The following SLC28A1 variants were observed in gnomAD, a reference collection of about 807,000 sequenced individuals.
SLC28A1 encodes solute carrier family 28 member 1, also known as sodium/nucleoside cotransporter 1.
A neutral mutation model predicts 74.8 loss-of-function variants in SLC28A1; 64 were observed. The observed-to-expected ratio is 0.86, with a 90% confidence interval of 0.70 to 1.05. The LOEUF (loss-of-function observed/expected upper bound fraction) is 1.05. Among genes scored for constraint, SLC28A1 ranks in the 50% least tolerant of loss-of-function variants. The pLI, the probability that SLC28A1 is intolerant of heterozygous loss-of-function variation, is 0.00. For missense variants in SLC28A1, 828 were observed against 822.8 expected (o/e 1.01, Z -0.08); for synonymous variants, 359 against 335.0 (o/e 1.07, Z -0.78).
intron 3 of SLC28A1, 92 bp from the exon 4 acceptor site, chr15:84,888,680 C>T (rs376752363): frequency 6.0e-6 from 5 of 834,216 alleles, no homozygotes; most frequent in African/African-American, 3.4e-5. Flanking sequence ...CCCTCCTCAG[C>T]CAGGGTCTCA....
In SLC28A1 at chr15:84,921,035, C is replaced by T. The variant is rs1969770527; in HGVS notation, c.923C>T (p.Thr308Ile). ...ACCATGGGCACCACAGCCACTGAGA[C>T]CCTGAGTGTGGCTGGAAACATCTTT... is the stretch of plus-strand genomic sequence containing the variant. ...QVTMGTTATETLSVAGNIFVS... is the reference protein window; with the variant it reads ...QVTMGTTATEILSVAGNIFVS... Residue 308 changes from threonine (T) to isoleucine (I), a missense_variant, in exon 11 of 19, where the codon ACC (threonine) becomes ATC (isoleucine). Transcript: ENST00000394573. 6.2e-7 allele frequency: 1 copy of T among 1,614,048 alleles called. No homozygotes were observed. Among genetic ancestry groups the T allele is most frequent in the African/African-American group, 1.3e-5 (1 of 75,040 alleles).
At chr15:84,898,332 A>G (rs1334176495) in intron 6 of SLC28A1, among the ~76,000 whole-genome samples, 1 of 152,108 alleles carries the variant, frequency 6.6e-6, no homozygotes, top group East Asian at 1.9e-4. Flanking sequence ...TAATCCCAAC[A>G]CTTTGGGAGG....
chr15:84,952,705 G>A, the SLC28A1 span, among the ~76,000 whole-genome samples: 4 of 152,144 alleles, frequency 2.6e-5, no homozygotes, highest in Non-Finnish European at 4.4e-5. Context: ...GGGCAACATG[G>A]TGAAACCAAG....
chr15:84,958,360 G>A, the SLC28A1 span, among the ~76,000 whole-genome samples: 1 of 152,048 alleles, frequency 6.6e-6, no homozygotes, highest in Non-Finnish European at 1.5e-5. Context: ...TCCTATTTTT[G>A]GAACCCTTGT....
chr15:84,904,285 C>T (rs764345085), intron 7 of SLC28A1, 47 bp downstream of exon 7: 2 of 1,610,872 alleles, frequency 1.2e-6, no homozygotes, highest in South Asian at 1.1e-5. Flanking sequence ...TTGCCTCTCT[C>T]TTCTGCCCCT....
intron 9 of SLC28A1, among the ~76,000 whole-genome samples, chr15:84,911,150 C>T (rs562805250): frequency 3.9e-5 from 6 of 152,088 alleles, no homozygotes; most frequent in East Asian, 3.9e-4. Flanking sequence ...ACCACTGGCC[C>T]GCGTCTCTCC....
chr15:84,963,626 TG>T, the SLC28A1 span, among the ~76,000 whole-genome samples: 3 of 151,554 alleles, frequency 2.0e-5, no homozygotes, highest in African/African-American at 7.3e-5. Flanking sequence ...GGGGTCCAGC[TG>T]CCCCCCCGAG....
At chr15:84,896,247 CTGTA>C (rs1965983730) in intron 6 of SLC28A1, among the ~76,000 whole-genome samples, 1 of 152,188 alleles carries the variant, frequency 6.6e-6, no homozygotes, top group African/African-American at 2.4e-5. Flanking sequence ...CATAAAGAAA[CTGTA>C]TGCAGAATTA....
intron 8 of SLC28A1, 124 bp from the exon 9 acceptor site, chr15:84,908,594 C>CA (rs1555447795): frequency 2.4e-5 from 19 of 779,214 alleles, no homozygotes; most frequent in East Asian, 1.5e-4. Flanking sequence ...GGTGCCCCCC[C>CA]CCGGATAAGG....
At chr15:84,889,483 T>A (rs1036516547) in intron 4 of SLC28A1, among the ~76,000 whole-genome samples, 3 of 151,224 alleles carry the variant, frequency 2.0e-5, no homozygotes, top group Non-Finnish European at 3.0e-5. Flanking sequence ...CAGGAGGAGG[T>A]GGGAGGTGGG....
rs779609747 is a variant in SLC28A1, at chr15:84,943,522, C to T, written c.1659C>T (p.Gly553=). Residue 553 remains glycine (G), a synonymous_variant, in exon 16 of 19, where the codon GGC becomes GGT. Transcript: ENST00000394573. ...GCTCCATTGGGATCATGCTGGGAGG[C>T]TTGAGTGAGTCTAATCAGGGCCTCA... ...NFSSIGIMLG[G]LTSMVPQRKS... The T allele has an allele frequency of 6.8e-6, 11 of 1,613,118 alleles. No homozygotes were observed. In the South Asian group the frequency reaches 1.2e-4, roughly 18 times the overall value.
Position 84,945,260 on chromosome 15 carries a change from G to C in SLC28A1, c.*60G>C. Reference sequence around the variant, plus strand: ...GGCTGTTCTCCCCCGGGAACCATCTGTCCCCACCTTCCCTTTCCCAGAGCC... The same window carrying C: ...GGCTGTTCTCCCCCGGGAACCATCTCTCCCCACCTTCCCTTTCCCAGAGCC... On this transcript the variant is annotated 3_prime_UTR_variant, in exon 19 of 19. Transcript: ENST00000394573. 6.7e-7 allele frequency: 1 copy of C among 1,499,526 alleles called. No homozygotes were observed. Among genetic ancestry groups the C allele is most frequent in the South Asian group, 1.1e-5 (1 of 88,536 alleles). The allele number at this position is 1,499,526 out of a possible 1,614,324, so 92.9% of individuals were successfully genotyped here. A position where few individuals can be genotyped will look rare whatever the true frequency, so the allele number is the denominator to read the frequency against.
chr15:84,917,978 A>T (rs1427519795), intron 9 of SLC28A1, among the ~76,000 whole-genome samples: 2 of 152,066 alleles, frequency 1.3e-5, no homozygotes, highest in African/African-American at 4.8e-5. Flanking sequence ...GGGTGATGGG[A>T]GGAGATGCTG....
intron 9 of SLC28A1, 71 bp from the exon 10 acceptor site, chr15:84,918,453 C>T (rs567806668): frequency 8.2e-7 from 1 of 1,217,128 alleles, no homozygotes; most frequent in African/African-American, 1.5e-5. Context: ...TCTGGGGTCT[C>T]CTGGGCCCCG....
At chr15:84,968,857 A>G in the SLC28A1 span, among the ~76,000 whole-genome samples, 2 of 152,200 alleles carry the variant, frequency 1.3e-5, no homozygotes, top group African/African-American at 2.4e-5. Flanking sequence ...TGTGTGACTT[A>G]CAACCAAAGC....
At chr15:84,891,987 C>T (rs1221076983) in intron 5 of SLC28A1, among the ~76,000 whole-genome samples, 1 of 152,010 alleles carries the variant, frequency 6.6e-6, no homozygotes, top group Non-Finnish European at 1.5e-5. Flanking sequence ...CCCCACCCCA[C>T]CGGGAGGGGT....
chr15:84,923,505 G>A (rs1287769468), intron 11 of SLC28A1, among the ~76,000 whole-genome samples: 3 of 152,134 alleles, frequency 2.0e-5, no homozygotes, highest in Admixed American at 2.0e-4. Context: ...GCTTCGGGCT[G>A]CCCAGATGCC....
chr15:84,920,703 G>GTGTGTGTGTGTGTGTGTGTGTGTGTGT lies in SLC28A1; in HGVS notation c.877-286_877-285insTGTGTGTGTGTGTGTGTGTGTGTGTGT, dbSNP rs113735505. On this transcript the variant is annotated intron_variant, in intron 10 of 18. Coordinates refer to ENST00000394573, the MANE Select transcript of SLC28A1 (RefSeq NM_004213.5). ...TAATGTGTATTGGTAATCTCCAAGG[G>GTGTGTGTGTGTGTGTGTGTGTGTGTGT]GTGTGTGTGTGTGTGTGTGTGCATT... Among the ~76,000 whole-genome samples the GTGTGTGTGTGTGTGTGTGTGTGTGTGT allele has an allele frequency of 2.2e-3, 296 of 137,386 alleles. 3 individuals are homozygous for GTGTGTGTGTGTGTGTGTGTGTGTGTGT. Among genetic ancestry groups the GTGTGTGTGTGTGTGTGTGTGTGTGTGT allele is most frequent in the African/African-American group, 6.8e-3 (270 of 39,516 alleles). 90.1% of individuals were successfully genotyped at this position (137,386 alleles called of 152,430 possible).
intron 5 of SLC28A1, 98 bp from the exon 6 acceptor site, chr15:84,894,842 C>T (rs1270432259): frequency 1.4e-5 from 17 of 1,230,590 alleles, no homozygotes; most frequent in Middle Eastern, 2.0e-4. Context: ...CTGCCCTCCA[C>T]GCTCTGGGTG....
Sources: gnomAD v4.1 joint callset for allele counts (sites outside exome capture counted in the v4.1 genomes callset) on GRCh38, gnomAD v4.1.1 for gene constraint, MANE v1.5 for transcripts, NCBI Gene and HGNC (gene_info 2026-07-23, HGNC 2026-07-21) for gene names.